Variants in FCF1 observed in about 807,000 individuals in gnomAD.
The protein encoded by FCF1 is rRNA-processing protein FCF1 homolog.
In FCF1, 17 loss-of-function variants were observed where a neutral mutation model predicts 32.5. The ratio of observed to expected loss-of-function variants is 0.52; its 90% CI spans 0.36 to 0.78. The LOEUF is 0.78. Ranked by LOEUF, FCF1 falls within the 30% of genes least tolerant of loss-of-function variation. The pLI is 0.00. For missense variants in FCF1, 201 were observed against 241.1 expected (o/e 0.83, Z 1.10); for synonymous variants, 84 against 78.4 (o/e 1.07, Z -0.38).
chr14:74,729,813 C>T (rs1437465468), intron 5 of FCF1, among the ~76,000 whole-genome samples: 3 of 152,036 alleles, frequency 2.0e-5, no homozygotes, highest in East Asian at 1.9e-4. Context: ...TCTTTGTTCT[C>T]GTTGGTTTCA....
rs547009143 is a variant in FCF1, at chr14:74,724,007, G to A, written c.365+663G>A. ...AACATAATTCTTAAATTCACAGTGA[G>A]TTGTCATTTAGTGCCCATTAGATTG... On this transcript the variant is annotated intron_variant, in intron 5 of 7. Transcript: ENST00000341162. Among the ~76,000 whole-genome samples, 11 of 152,254 alleles carry A rather than the reference G, an allele frequency of 7.2e-5. No homozygotes were observed. The South Asian group carries it at 2.3e-3, about 32-fold the overall frequency.
At chr14:74,731,893 A>G (rs1056265790) in intron 5 of FCF1, among the ~76,000 whole-genome samples, 2 of 152,170 alleles carry the variant, frequency 1.3e-5, no homozygotes, top group African/African-American at 4.8e-5. Context: ...GGCTCTCAGA[A>G]TCACACAGAG....
chr14:74,720,879 GTTTT>G (rs35099474), intron 4 of FCF1, among the ~76,000 whole-genome samples: 1 of 126,796 alleles, frequency 7.9e-6, no homozygotes, highest in Non-Finnish European at 1.7e-5. Context: ...TTTGGGGTTT[GTTTT>G]TTTTTTTTTT....
chr14:74,734,042 C>A, intron 6 of FCF1, 34 bp from the exon 7 acceptor site: 1 of 1,421,052 alleles, frequency 7.0e-7, no homozygotes, highest in Non-Finnish European at 1.0e-6. Flanking sequence ...TGCTCAGTGA[C>A]CTCAGTGTGA....
At chr14:74,729,310 TTCTTC>T (rs1262876092) in intron 5 of FCF1, among the ~76,000 whole-genome samples, 1 of 152,052 alleles carries the variant, frequency 6.6e-6, no homozygotes, top group African/African-American at 2.4e-5. Context: ...GAGATTCAAC[TTCTTC>T]CTGGTTTAGT....
chr14:74,715,016 G>A, intron 3 of FCF1, 73 bp downstream of exon 3: 2 of 1,468,908 alleles, frequency 1.4e-6, no homozygotes, highest in Non-Finnish European at 1.8e-6. Flanking sequence ...TCCCTGAGCT[G>A]GTTTGCTAAC....
chr14:74,716,234 G>GCTGTC, intron 4 of FCF1, 135 bp downstream of exon 4: 1 of 815,768 alleles, frequency 1.2e-6, no homozygotes, highest in Non-Finnish European at 2.0e-6. Flanking sequence ...CACCATAGCA[G>GCTGTC]TGACCATGTT....
rs753355743 is a variant in FCF1 at position 74,727,512 on chromosome 14, T to C, written c.365+4168T>C. 8.8e-3 allele frequency among the ~76,000 whole-genome samples: 1,339 copies of C among 152,168 alleles called. 9 individuals are homozygous for C. Among genetic ancestry groups the C allele is most frequent in the Non-Finnish European group, 0.015 (1,021 of 67,954 alleles). On this transcript the variant is annotated intron_variant, in intron 5 of 7. Transcript: ENST00000341162. ...ATTGTAGATTCTGAATATTAGCCCT[T>C]TGTCAGATGAGTAGGTTGCGAAAAT...
chr14:74,723,291 T>C lies in FCF1; in HGVS notation c.312T>C (p.Asp104=). ...LYAKCIPCIT[D]CVMAEIEKLG... is the part of the protein sequence containing the mutation. ...TGGCAGGTATCCCATGTATAACCGATTGTGTAATGGCTGAAATTGAGAAAT... is the reference window on the plus strand; with the variant it reads ...TGGCAGGTATCCCATGTATAACCGACTGTGTAATGGCTGAAATTGAGAAAT... Residue 104 remains aspartate, a synonymous_variant, in exon 5 of 8, where the codon GAT becomes GAC. Transcript: ENST00000341162. 6.2e-7 allele frequency: 1 copy of C among 1,613,380 alleles called. No homozygotes were observed.
intron 3 of FCF1, 138 bp from the exon 4 acceptor site, chr14:74,715,813 C>T (rs1375465729): frequency 6.3e-7 from 1 of 1,586,610 alleles, no homozygotes; most frequent in Non-Finnish European, 8.6e-7. Flanking sequence ...CCTTGCCTTC[C>T]TTTTTAGGAT....
At chr14:74,714,802 T>C (rs1234190878) in intron 2 of FCF1, 70 bp from the exon 3 acceptor site, 2 of 1,494,988 alleles carry the variant, frequency 1.3e-6, no homozygotes, top group Non-Finnish European at 1.8e-6. Context: ...AATGGAACTT[T>C]AGATTTTTGA....
chr14:74,720,659 T>G (rs1283066262), intron 4 of FCF1, among the ~76,000 whole-genome samples: 1 of 152,084 alleles, frequency 6.6e-6, no homozygotes, highest in East Asian at 1.9e-4. Context: ...CCTCATTCTT[T>G]TATTTTGAGT....
chr14:74,730,206 C>CT (rs869067896), intron 5 of FCF1, among the ~76,000 whole-genome samples: 1,295 of 109,310 alleles, frequency 0.012, 12 homozygotes, highest in African/African-American at 0.014. Flanking sequence ...TGTGTATATG[C>CT]TTTTTTTTTT....
intron 2 of FCF1, 155 bp downstream of exon 2, chr14:74,713,707 C>A: frequency 1.5e-6 from 1 of 659,588 alleles, no homozygotes. Flanking sequence ...AGTAATTTAG[C>A]TGCTGAGCGA....
At chr14:74,718,921 G>A (rs2090458641) in intron 4 of FCF1, among the ~76,000 whole-genome samples, 1 of 151,888 alleles carries the variant, frequency 6.6e-6, no homozygotes, top group African/African-American at 2.4e-5. Flanking sequence ...GTGCTTTTCA[G>A]GAGTTCGAGA....
intron 6 of FCF1, 79 bp downstream of exon 6, chr14:74,732,897 A>G (rs1248746257): frequency 2.4e-6 from 2 of 849,192 alleles, no homozygotes; most frequent in African/African-American, 3.4e-5. Context: ...GTTCATGGTC[A>G]GTAAAACATC....
chr14:74,715,636 A>G (rs2140018349), intron 3 of FCF1: 1 of 413,996 alleles, frequency 2.4e-6, no homozygotes, highest in Non-Finnish European at 4.5e-6. Context: ...TAATCACGAT[A>G]ACTGTATTCT....
intron 6 of FCF1, 89 bp downstream of exon 6, chr14:74,732,907 C>G: frequency 1.3e-6 from 1 of 763,988 alleles, no homozygotes; most frequent in Non-Finnish European, 2.2e-6. Context: ...AGTAAAACAT[C>G]TAGGAATATA....
chr14:74,734,197 A>C (rs762686814), intron 7 of FCF1, 27 bp downstream of exon 7: 1 of 1,280,328 alleles, frequency 7.8e-7, no homozygotes, highest in South Asian at 1.2e-5. Context: ...GGAGAAGGGA[A>C]TAGAAATATA....
Sources: gnomAD v4.1 joint callset for allele counts (sites outside exome capture counted in the v4.1 genomes callset) on GRCh38, gnomAD v4.1.1 for gene constraint, MANE v1.5 for transcripts, NCBI Gene and HGNC (gene_info 2026-07-23, HGNC 2026-07-21) for gene names.